TGM2: variants seen among roughly 807,000 people sequenced by gnomAD.
TGM2 encodes the protein transglutaminase 2.
In TGM2, 53 loss-of-function variants were observed where a neutral mutation model predicts 75.6. The observed-to-expected ratio is 0.70, with a 90% CI of 0.56 to 0.88. The LOEUF (loss-of-function observed/expected upper bound fraction) is 0.88. Ranked by LOEUF, TGM2 falls within the 40% of genes least tolerant of loss-of-function variation. The pLI, the probability that TGM2 is intolerant of heterozygous loss-of-function variation, is 0.00. For synonymous variants in TGM2, 374 were observed against 381.1 expected, an observed-to-expected ratio of 0.98 and a Z score of 0.22; for missense variants, 842 against 928.5, an observed-to-expected ratio of 0.91 and a Z score of 1.21.
At chr20:38,151,970 G>A (rs1268889829) in intron 3 of TGM2, among the ~76,000 whole-genome samples, 1 of 152,222 alleles carries the variant, frequency 6.6e-6, no homozygotes, top group Non-Finnish European at 1.5e-5. Context: ...CTGAGGCCAA[G>A]AAGGGGCAAT....
rs1430786990 is a variant in TGM2 at position 38,139,484 on chromosome 20, G to A, written c.1270C>T (p.Leu424=). The change falls in exon 9 of 13, where the codon CTG becomes TTG. Residue 424 remains leucine, a synonymous_variant. Coordinates refer to ENST00000361475, the MANE Select transcript of TGM2 (RefSeq NM_004613.4). The part of the protein sequence containing the change: ...KSINRSLIVG[L]KISTKSVGRD... Reference sequence around the variant, plus strand: ...CCCACGCTCTTAGTGCTGATCTTCAGCCCAACGATCAGGGAACGGTTGATG... The same window carrying A: ...CCCACGCTCTTAGTGCTGATCTTCAACCCAACGATCAGGGAACGGTTGATG... 1 of 1,614,200 alleles carries A rather than the reference G, an allele frequency of 6.2e-7. No individual in the cohort carries two copies. The highest frequency in any genetic ancestry group is 1.7e-5 in the Admixed American group (1 of 60,016).
At chr20:38,130,555 A>T (rs2074815151) in intron 12 of TGM2, among the ~76,000 whole-genome samples, 186 bp from the exon 13 acceptor site, 3 of 152,190 alleles carry the variant, frequency 2.0e-5, no homozygotes. Flanking sequence ...CTGTGCACGC[A>T]TGTGTGTCCG....
intron 6 of TGM2, among the ~76,000 whole-genome samples, chr20:38,143,839 G>A (rs1184987087): frequency 3.3e-5 from 5 of 152,164 alleles, no homozygotes; most frequent in East Asian, 1.9e-4. Context: ...GAAGGGATGC[G>A]ACCTTTGCCC....
chr20:38,147,945 C>T lies in TGM2; in HGVS notation c.681+16G>A. On this transcript the variant is annotated intron_variant, in intron 5 of 12. Transcript: ENST00000361475. ...CTGTAGGCCCCGCCCCTGGATGGGC[C>T]ATGCCACTCACTCACCATGCCACTC... is the stretch of plus-strand genomic sequence containing the variant. 1 of 1,606,062 alleles carries T rather than the reference C, an allele frequency of 6.2e-7. No homozygotes were observed. The highest frequency in any genetic ancestry group is 8.5e-7 in the Non-Finnish European group (1 of 1,177,238).
At chr20:38,132,694 A>C in intron 10 of TGM2, 194 bp from the exon 11 acceptor site, 2 of 758,266 alleles carry the variant, frequency 2.6e-6, no homozygotes, top group Non-Finnish European at 4.6e-6. Flanking sequence ...GACACTGAGC[A>C]GCGGGTAGAG....
chr20:38,143,862 C>T (rs920675300), intron 6 of TGM2, among the ~76,000 whole-genome samples: 2 of 152,172 alleles, frequency 1.3e-5, no homozygotes, highest in African/African-American at 2.4e-5. Context: ...GGGCCACCAT[C>T]GATAGGCCAG....
At chr20:38,149,678 C>CAAAAAAAAAAAAAAAAAAAAAAAAAAAA (rs1199376180) in intron 4 of TGM2, among the ~76,000 whole-genome samples, 42 of 40,422 alleles carry the variant, frequency 1.0e-3, no homozygotes, top group East Asian at 1.7e-3. Context: ...GACTCCGCCT[C>CAAAAAAAAAAAAAAAAAAAAAAAAAAAA]AAAAAAAAAA....
At chr20:38,149,190 A>G (rs1159056305) in intron 4 of TGM2, among the ~76,000 whole-genome samples, 2 of 151,908 alleles carry the variant, frequency 1.3e-5, no homozygotes, top group Non-Finnish European at 2.9e-5. Context: ...TCGTGCACAC[A>G]CCTCCTTGCA....
intron 6 of TGM2, 51 bp downstream of exon 6, chr20:38,146,666 C>G: frequency 6.2e-7 from 1 of 1,608,134 alleles, no homozygotes; most frequent in Non-Finnish European, 8.5e-7. Flanking sequence ...CTCCAGTGCT[C>G]TTCGTGCCCC....
In TGM2 at chr20:38,165,213, G is replaced by T. The variant is rs1019469900; in HGVS notation, c.-15C>A. ...CCCTCGGCCATGGTCGGGCGGGGGC[G>T]GTGGCTCCTTCCACTGGCGGCGAGA... is the stretch of plus-strand genomic sequence containing the variant. On this transcript the variant is annotated 5_prime_UTR_variant, in exon 1 of 13. Coordinates refer to ENST00000361475, the MANE Select transcript of TGM2 (RefSeq NM_004613.4). The T allele has an allele frequency of 2.5e-6, 4 of 1,613,236 alleles. No individual in the cohort carries two copies. The highest frequency in any genetic ancestry group is 3.4e-6 in the Non-Finnish European group (4 of 1,179,932).
chr20:38,143,002 T>C (rs2074994849), intron 6 of TGM2, among the ~76,000 whole-genome samples: 1 of 152,252 alleles, frequency 6.6e-6, no homozygotes, highest in African/African-American at 2.4e-5. Context: ...TCCTTCATCC[T>C]TCCAGTGTAC....
intron 6 of TGM2, 193 bp downstream of exon 6, chr20:38,146,524 T>G: frequency 1.4e-6 from 1 of 734,902 alleles, no homozygotes. Context: ...TAGCCCTTGA[T>G]CCTAACAACC....
intron 10 of TGM2, among the ~76,000 whole-genome samples, chr20:38,137,093 C>A (rs1248640741): frequency 6.6e-6 from 1 of 152,208 alleles, no homozygotes. Flanking sequence ...CTTCTCCCTG[C>A]AGAGGCCTGG....
intron 9 of TGM2, 130 bp downstream of exon 9, chr20:38,139,282 T>C: frequency 2.3e-6 from 3 of 1,324,298 alleles, no homozygotes; most frequent in South Asian, 1.2e-5. Context: ...AGATGGAGTA[T>C]AGCCTACGGG....
upstream of TGM2, among the ~76,000 whole-genome samples, chr20:38,165,564 C>T (rs2076382): frequency 0.47 from 71,113 of 151,820 alleles, 19,141 homozygotes; most frequent in Non-Finnish European, 0.62. Flanking sequence ...CAGATACAGA[C>T]ACACGCAGCA....
At chr20:38,146,297 C>G in intron 6 of TGM2, 1 of 314,552 alleles carries the variant, frequency 3.2e-6, no homozygotes, top group Admixed American at 4.6e-5. Flanking sequence ...TGCTGAGTAG[C>G]TTCATGTCAC....
rs1417534987 is a variant in TGM2, at chr20:38,129,197, T to C, written c.*1022A>G. The C allele has an allele frequency of 6.6e-6, 1 of 152,256 alleles. No homozygotes were observed. Among genetic ancestry groups the C allele is most frequent in the Non-Finnish European group, 1.5e-5 (1 of 68,132 alleles). The allele number at this position is 152,256 out of a possible 1,614,324, so 9.4% of individuals were successfully genotyped here. On this transcript the variant is annotated 3_prime_UTR_variant, in exon 13 of 13. Transcript: ENST00000361475. ...GCAAACATGGAGTGGAGAGGATCCTTGGAGATGAGCTGGTTCAATCACTCC... is the reference window on the plus strand; with the variant it reads ...GCAAACATGGAGTGGAGAGGATCCTCGGAGATGAGCTGGTTCAATCACTCC...
intron 8 of TGM2, among the ~76,000 whole-genome samples, chr20:38,140,409 G>A (rs2074957131): frequency 6.6e-6 from 1 of 152,214 alleles, no homozygotes; most frequent in Non-Finnish European, 1.5e-5. Flanking sequence ...TGCCGCTGGA[G>A]GTCTTAAACC....
In TGM2 at chr20:38,131,173, G is replaced by A. The variant is rs369545600; in HGVS notation, c.1833C>T (p.Asn611=). 1.2e-5 allele frequency: 19 copies of A among 1,613,766 alleles called. No homozygotes were observed. Among genetic ancestry groups the A allele is most frequent in the Non-Finnish European group, 1.6e-5 (19 of 1,180,018 alleles). Residue 611 remains asparagine, a synonymous_variant, in exon 12 of 13, where the codon AAC becomes AAT. Transcript: ENST00000361475. ...RKLVAEVSLQ[N]PLPVALEGCT... is the part of the protein sequence containing the mutation. ...AGCCTTCCAGGGCCACAGGGAGCGG[G>A]TTCTGCAGGGACACCTCAGCCACCA...
Sources: allele counts gnomAD v4.1 joint callset (sites outside exome capture counted in the v4.1 genomes callset), GRCh38; gene constraint gnomAD v4.1.1; transcripts MANE v1.5; gene names NCBI Gene and HGNC (gene_info 2026-07-23, HGNC 2026-07-21).